Variants in JAK2 observed in about 807,000 individuals in gnomAD.
JAK2 encodes the protein tyrosine-protein kinase JAK2.
A neutral mutation model predicts 139.3 loss-of-function variants in JAK2; 86 were observed. The observed-to-expected ratio is 0.62, with a 90% CI of 0.52 to 0.74. The LOEUF (loss-of-function observed/expected upper bound fraction) is 0.74. Ranked by LOEUF, JAK2 falls within the 30% of genes least tolerant of loss-of-function variation. The pLI, the probability that JAK2 is intolerant of heterozygous loss-of-function variation, is 0.00. For synonymous variants in JAK2, 490 were observed against 437.7 expected (o/e 1.12, Z -1.49); for missense variants, 1,421 against 1,360.3 (o/e 1.04, Z -0.70).
intron 8 of JAK2, 99 bp downstream of exon 8, chr9:5,055,887 T>C (rs1586713500): frequency 9.1e-7 from 1 of 1,094,414 alleles, no homozygotes; most frequent in South Asian, 1.6e-5. Flanking sequence ...GGTAGGAATT[T>C]TGATTGTAGT....
intron 5 of JAK2, among the ~76,000 whole-genome samples, chr9:5,047,499 C>T (rs992324653): frequency 1.1e-4 from 17 of 152,196 alleles, no homozygotes; most frequent in Non-Finnish European, 2.4e-4. Flanking sequence ...TAATTCATAT[C>T]TATTCAACAA....
chr9:5,120,337 G>A (rs1823520270), intron 22 of JAK2, among the ~76,000 whole-genome samples: 1 of 152,206 alleles, frequency 6.6e-6, no homozygotes, highest in Non-Finnish European at 1.5e-5. Flanking sequence ...AACAACACCT[G>A]AATTTTGGAG....
intron 2 of JAK2, among the ~76,000 whole-genome samples, chr9:4,988,542 T>C (rs1820089407): frequency 6.6e-6 from 1 of 152,254 alleles, no homozygotes; most frequent in South Asian, 2.1e-4. Context: ...CAGAGCTCCC[T>C]GAATGGGTTT....
chr9:5,085,882 AT>A (rs1395570243), intron 19 of JAK2: 2 of 799,454 alleles, frequency 2.5e-6, no homozygotes, highest in Non-Finnish European at 2.3e-6. Flanking sequence ...TCTGTTGTTG[AT>A]ATGAGCGGTT....
At position 5,122,996 on chromosome 9, in the gene JAK2, A is replaced by G. The variant is rs770408175; in HGVS notation, c.3060-8A>G. 6.3e-7 allele frequency: 1 copy of G among 1,577,568 alleles called. No individual in the cohort carries two copies. The highest frequency in any genetic ancestry group is 1.1e-5 in the South Asian group (1 of 88,094). On this transcript the variant is annotated splice_polypyrimidine_tract_variant and splice_region_variant and intron_variant, in intron 22 of 24. Transcript: ENST00000381652. Reference sequence around the variant, plus strand: ...ACTGTCTTTTAAATGTTATTCATATATTTACAGGTATGCTCCAGAATCACT... The same window carrying G: ...ACTGTCTTTTAAATGTTATTCATATGTTTACAGGTATGCTCCAGAATCACT...
At chr9:5,126,639 G>A in intron 24 of JAK2, 45 bp from the exon 25 acceptor site, 1 of 1,308,216 alleles carries the variant, frequency 7.6e-7, no homozygotes, top group South Asian at 1.2e-5. Context: ...ATTAAAAGAT[G>A]GCCCTTAGTG....
intron 2 of JAK2, among the ~76,000 whole-genome samples, chr9:4,991,804 C>G (rs999637235): frequency 2.0e-5 from 3 of 151,632 alleles, no homozygotes; most frequent in African/African-American, 7.3e-5. Context: ...AGCATCCCCT[C>G]TAAAGCCTCT....
At chr9:5,070,566 A>C (rs972047590) in intron 12 of JAK2, among the ~76,000 whole-genome samples, 3 of 151,976 alleles carry the variant, frequency 2.0e-5, no homozygotes, top group African/African-American at 7.2e-5. Context: ...TTTTTAAATA[A>C]CTAATTATTT....
In JAK2 at chr9:5,080,375, C is replaced by A. The variant is rs2130605709; in HGVS notation, c.2278C>A (p.Gln760Lys). 1 of 1,611,472 alleles carries A rather than the reference C, an allele frequency of 6.2e-7. No homozygotes were observed. The highest frequency in any genetic ancestry group is 1.1e-5 in the South Asian group (1 of 90,610). Residue 760 changes from glutamine to lysine, a missense_variant, in exon 17 of 25, where the codon CAA (glutamine) becomes AAA (lysine). Transcript: ENST00000381652. Reference sequence around the variant, plus strand: ...TAAACCTCTAAGTGCTCTGGATTCTCAAAGAGTAAGTTTATATAGACTAAG... The same window carrying A: ...TAAACCTCTAAGTGCTCTGGATTCTAAAAGAGTAAGTTTATATAGACTAAG... Reference protein sequence around the residue: ...GDKPLSALDSQRKLQFYEDRH... With the variant: ...GDKPLSALDSKRKLQFYEDRH...
chr9:5,091,316 T>C (rs1463908929), intron 22 of JAK2: 1 of 155,140 alleles, frequency 6.4e-6, no homozygotes, highest in East Asian at 1.9e-4. Context: ...GTGATAGCTA[T>C]TGAGGAGTAT....
chr9:5,090,325 A>G (rs1457326260), intron 20 of JAK2, 121 bp from the exon 21 acceptor site: 1 of 668,316 alleles, frequency 1.5e-6, no homozygotes, highest in Non-Finnish European at 2.2e-6. Context: ...TTTAATGTAT[A>G]ATAAAGTTTT....
At chr9:5,043,149 G>T (rs1221778868) in intron 4 of JAK2, among the ~76,000 whole-genome samples, 1 of 152,236 alleles carries the variant, frequency 6.6e-6, no homozygotes, top group African/African-American at 2.4e-5. Flanking sequence ...ATGTGCAGGG[G>T]GGTCTGCGGG....
intron 16 of JAK2, among the ~76,000 whole-genome samples, chr9:5,079,689 C>T (rs1819548360): frequency 6.6e-6 from 1 of 151,990 alleles, no homozygotes; most frequent in Admixed American, 6.5e-5. Flanking sequence ...CCTGTAATTC[C>T]AATGCTTTGG....
chr9:5,113,313 A>G lies in JAK2; in HGVS notation c.3060-9691A>G, dbSNP rs28407218. On this transcript the variant is annotated intron_variant, in intron 22 of 24. Transcript: ENST00000381652. ...CTATAAAATGTGGAGAAATCGTAAC[A>G]TATCACTTGAGGGAGATGCTGTGGA... Among the ~76,000 whole-genome samples, 337 of 150,068 alleles carry G rather than the reference A, an allele frequency of 2.2e-3. 2 individuals are homozygous for G. The highest frequency in any genetic ancestry group is 7.8e-3 in the African/African-American group (317 of 40,772).
chr9:5,029,833 A>G lies in JAK2; in HGVS notation c.277A>G (p.Arg93Gly), dbSNP rs748095804. Reference protein sequence around the residue: ...NMFALMSETERIWYPPNHVFH... With the variant: ...NMFALMSETEGIWYPPNHVFH... ...GTTTGCTTTAATGAGTGAAACAGAA[A>G]GGATCTGGTATCCACCCAACCATGT... The change falls in exon 4 of 25, where the codon AGG becomes GGG. Residue 93 changes from arginine to glycine, a missense_variant. Physicochemically the swap from Arg to Gly is moderately radical, Grantham distance 125. Transcript: ENST00000381652. 3.1e-6 allele frequency: 5 copies of G among 1,611,246 alleles called. No homozygotes were observed. In the Admixed American group the frequency reaches 8.3e-5, roughly 27 times the overall value.
chr9:5,090,005 T>C, intron 20 of JAK2, 142 bp downstream of exon 20: 1 of 478,244 alleles, frequency 2.1e-6, no homozygotes, highest in Non-Finnish European at 3.4e-6. Context: ...GAGATTGTGT[T>C]TGGTGATCAT....
intron 10 of JAK2, 90 bp from the exon 11 acceptor site, chr9:5,068,932 G>C (rs993008172): frequency 1.4e-6 from 1 of 721,504 alleles, no homozygotes; most frequent in Admixed American, 2.8e-5. Context: ...TTATTCTGTT[G>C]CTTGTTCTTG....
At chr9:4,991,562 G>T (rs1820249247) in intron 2 of JAK2, among the ~76,000 whole-genome samples, 1 of 152,154 alleles carries the variant, frequency 6.6e-6, no homozygotes, top group African/African-American at 2.4e-5. Context: ...CTTGTCTATT[G>T]AGGGAATGGA....
At chr9:5,120,277 T>C (rs1823515244) in intron 22 of JAK2, among the ~76,000 whole-genome samples, 1 of 152,174 alleles carries the variant, frequency 6.6e-6, no homozygotes, top group Non-Finnish European at 1.5e-5. Context: ...GGAGAAGCCC[T>C]CATGGCGTAA....
Sources: allele counts gnomAD v4.1 joint callset (sites outside exome capture counted in the v4.1 genomes callset), GRCh38; gene constraint gnomAD v4.1.1; transcripts MANE v1.5; gene names NCBI Gene and HGNC (gene_info 2026-07-23, HGNC 2026-07-21).